ERAP2: variants seen among roughly 807,000 people sequenced by gnomAD.
ERAP2 encodes endoplasmic reticulum aminopeptidase 2.
In ERAP2, 118 loss-of-function variants were observed where a neutral mutation model predicts 111.1. The ratio of observed to expected loss-of-function variants is 1.06; its 90% CI spans 0.92 to 1.24. The LOEUF is 1.24. ERAP2 is among the 50% of genes most tolerant of loss of function. ERAP2 has a pLI of 0.00. For missense variants in ERAP2, 1,131 were observed against 1,125.8 expected (o/e 1.00, Z -0.07); for synonymous variants, 410 against 401.2 (o/e 1.02, Z -0.26).
At chr5:96,902,105 A>G (rs1243799835) in intron 11 of ERAP2, among the ~76,000 whole-genome samples, 169 bp from the exon 12 acceptor site, 1 of 152,216 alleles carries the variant, frequency 6.6e-6, no homozygotes, top group Non-Finnish European at 1.5e-5. Flanking sequence ...AATTTTTTGC[A>G]TACTTAAGGA....
intron 13 of ERAP2, among the ~76,000 whole-genome samples, chr5:96,907,591 C>T (rs1357159995): frequency 2.1e-5 from 3 of 142,188 alleles, no homozygotes; most frequent in Non-Finnish European, 4.5e-5. Context: ...TTTTTTAATA[C>T]GGCAGACTAG....
intron 7 of ERAP2, among the ~76,000 whole-genome samples, chr5:96,896,159 G>A (rs967933780): frequency 6.6e-5 from 10 of 151,952 alleles, no homozygotes; most frequent in Admixed American, 6.6e-5. Context: ...ATGTCTGAAG[G>A]AATATTGGAT....
chr5:96,905,412 A>G (rs73150385), intron 13 of ERAP2, among the ~76,000 whole-genome samples: 23 of 152,176 alleles, frequency 1.5e-4, no homozygotes, highest in African/African-American at 5.6e-4. Context: ...TTATGAGTCT[A>G]ATTTCTAGTT....
intron 9 of ERAP2, among the ~76,000 whole-genome samples, chr5:96,899,509 C>A (rs1785225980): frequency 6.6e-6 from 1 of 152,206 alleles, no homozygotes; most frequent in Non-Finnish European, 1.5e-5. Flanking sequence ...AGAGCCTTAG[C>A]ACATTCTTCA....
At chr5:96,896,255 C>T in intron 7 of ERAP2, 118 bp from the exon 8 acceptor site, 1 of 782,784 alleles carries the variant, frequency 1.3e-6, no homozygotes, top group Admixed American at 3.2e-5. Context: ...GAAACATCTC[C>T]CAAGAAATAT....
intron 9 of ERAP2, 34 bp downstream of exon 9, chr5:96,896,897 T>C (rs1164423248): frequency 6.5e-7 from 1 of 1,532,610 alleles, no homozygotes; most frequent in Non-Finnish European, 8.7e-7. Context: ...TAGACTGTTA[T>C]TTAATCTAGA....
chr5:96,894,474 G>A (rs2548540), intron 6 of ERAP2, among the ~76,000 whole-genome samples: 81,996 of 151,884 alleles, frequency 0.54, 22,210 homozygotes, highest in Admixed American at 0.59. Flanking sequence ...GCTTTGGTCC[G>A]TCTAGAGATT....
chr5:96,899,290 CCCCCATCAATCT>C (rs1377720504), intron 9 of ERAP2, among the ~76,000 whole-genome samples: 1 of 152,096 alleles, frequency 6.6e-6, no homozygotes, highest in East Asian at 1.9e-4. Flanking sequence ...TAAGAAAAGT[CCCCCATCAATCT>C]TCCCCTAAAG....
In ERAP2 at chr5:96,917,528, G is replaced by A; in HGVS notation, c.2806G>A (p.Glu936Lys). The A allele has an allele frequency of 5.6e-6, 9 of 1,613,910 alleles. No homozygotes were observed. Among genetic ancestry groups the A allele is most frequent in the Non-Finnish European group, 7.6e-6 (9 of 1,179,894 alleles). The change falls in exon 19 of 19, where the codon GAA (glutamate) becomes AAA (lysine). Residue 936 changes from glutamate to lysine, a missense_variant. Glu to Lys is a moderately conservative substitution (Grantham distance 56, BLOSUM62 1). Transcript: ENST00000437043. Reference sequence around the variant, plus strand: ...TCTGGATATTTTTCAAACTGTTCTGGAAACGATAACCAAAAATATAAAATG... The same window carrying A: ...TCTGGATATTTTTCAAACTGTTCTGAAAACGATAACCAAAAATATAAAATG... ...SHLDIFQTVL[E>K]TITKNIKWLE...
chr5:96,889,444 G>C, intron 5 of ERAP2, 139 bp downstream of exon 5: 1 of 946,736 alleles, frequency 1.1e-6, no homozygotes, highest in Non-Finnish European at 1.7e-6. Flanking sequence ...TTGTTCCTCA[G>C]AGATGATTCT....
At chr5:96,888,114 G>C (rs1783952313) in intron 4 of ERAP2, among the ~76,000 whole-genome samples, 1 of 135,638 alleles carries the variant, frequency 7.4e-6, no homozygotes, top group African/African-American at 2.8e-5. Flanking sequence ...ACAAGAGTGA[G>C]ACTTCATCTC....
At position 96,891,509 on chromosome 5, in the gene ERAP2, A is replaced by G. The variant is rs1489818907; in HGVS notation, c.971-790A>G. Among the ~76,000 whole-genome samples, 118 of 31,476 alleles carry G rather than the reference A, an allele frequency of 3.7e-3. 1 individual carries two copies. The highest frequency in any genetic ancestry group is 0.015 in the East Asian group (17 of 1,112). 20.6% of individuals were successfully genotyped at this position (31,476 alleles called of 152,430 possible). On this transcript the variant is annotated intron_variant, in intron 5 of 18. Coordinates refer to ENST00000437043, the MANE Select transcript of ERAP2 (RefSeq NM_022350.5). Reference sequence around the variant, plus strand: ...TGTGTGTGTGTGTGTGTATATATATATATATATGCCCATATACGGTATATA... The same window carrying G: ...TGTGTGTGTGTGTGTGTATATATATGTATATATGCCCATATACGGTATATA...
chr5:96,888,137 A>AG (rs930975876), intron 4 of ERAP2, among the ~76,000 whole-genome samples: 20 of 135,248 alleles, frequency 1.5e-4, no homozygotes, highest in African/African-American at 1.1e-4. Context: ...AAGAAAAAAA[A>AG]AAAGAAAGAA....
intron 10 of ERAP2, among the ~76,000 whole-genome samples, chr5:96,901,074 T>C (rs1351774314): frequency 6.6e-6 from 1 of 152,248 alleles, no homozygotes; most frequent in Non-Finnish European, 1.5e-5. Context: ...CCTCTATTGA[T>C]ATTAAATTGT....
Position 96,892,332 on chromosome 5 carries a change from C to T in ERAP2, c.1004C>T (p.Ala335Val). Residue 335 changes from alanine (A) to valine (V), a missense_variant, in exon 6 of 19, where the codon GCC becomes GTC. By Grantham distance (64) the Ala-to-Val change is moderately conservative. Coordinates refer to ENST00000437043, the MANE Select transcript of ERAP2 (RefSeq NM_022350.5). ...LIAIPDFAPG[A>V]MENWGLITYR... Reference sequence around the variant, plus strand: ...GCTATTCCTGACTTTGCACCTGGAGCCATGGAAAATTGGGGCCTCATTACA... The same window carrying T: ...GCTATTCCTGACTTTGCACCTGGAGTCATGGAAAATTGGGGCCTCATTACA... The T allele has an allele frequency of 6.2e-7, 1 of 1,613,862 alleles. No individual in the cohort carries two copies. Among genetic ancestry groups the T allele is most frequent in the Non-Finnish European group, 8.5e-7 (1 of 1,179,850 alleles).
At chr5:96,882,810 A>C (rs1783290057) in intron 2 of ERAP2, among the ~76,000 whole-genome samples, 1 of 152,160 alleles carries the variant, frequency 6.6e-6, no homozygotes, top group Non-Finnish European at 1.5e-5. Flanking sequence ...CATAGAAATA[A>C]AGCAAGCTGA....
At chr5:96,894,418 G>T (rs2549781) in intron 6 of ERAP2, among the ~76,000 whole-genome samples, 75,663 of 151,960 alleles carry the variant, frequency 0.5, 19,019 homozygotes, top group Middle Eastern at 0.57. Flanking sequence ...TTTCTGTTCT[G>T]TAACTATAAC....
At chr5:96,884,453 G>C (rs921061154) in intron 3 of ERAP2, among the ~76,000 whole-genome samples, 11 of 151,516 alleles carry the variant, frequency 7.3e-5, no homozygotes, top group Non-Finnish European at 1.5e-4. Flanking sequence ...AAGAAATTCT[G>C]ATCTAGAAGT....
intron 14 of ERAP2, 92 bp downstream of exon 14, chr5:96,909,209 T>C: frequency 1.5e-6 from 2 of 1,294,728 alleles, no homozygotes; most frequent in Non-Finnish European, 2.2e-6. Flanking sequence ...GTCCTTGAGG[T>C]TAAATCTGGA....
Sources: gnomAD v4.1 joint callset for allele counts (sites outside exome capture counted in the v4.1 genomes callset) on GRCh38, gnomAD v4.1.1 for gene constraint, MANE v1.5 for transcripts, NCBI Gene and HGNC (gene_info 2026-07-23, HGNC 2026-07-21) for gene names.